Variants in DYNC2I1 observed in about 807,000 individuals in gnomAD.
DYNC2I1 encodes the protein cytoplasmic dynein 2 intermediate chain 1.
In DYNC2I1, 89 loss-of-function variants were observed where a neutral mutation model predicts 133.4. The observed-to-expected ratio is 0.67, with a 90% CI of 0.56 to 0.80. DYNC2I1 has a LOEUF of 0.80. DYNC2I1 is among the 30% of genes least tolerant of loss of function. The pLI is 0.00. For synonymous variants in DYNC2I1, 504 were observed against 484.3 expected (o/e 1.04, Z -0.54); for missense variants, 1,291 against 1,314.5 (o/e 0.98, Z 0.28).
At chr7:158,930,094 T>C (rs911216154) in intron 20 of DYNC2I1, among the ~76,000 whole-genome samples, 1 of 152,132 alleles carries the variant, frequency 6.6e-6, no homozygotes, top group Non-Finnish European at 1.5e-5. Flanking sequence ...CGGTGGACAT[T>C]CACAGGACAG....
upstream of DYNC2I1, among the ~76,000 whole-genome samples, chr7:158,852,207 T>C (rs1316203580): frequency 1.3e-5 from 2 of 151,838 alleles, no homozygotes; most frequent in Admixed American, 6.6e-5. Flanking sequence ...CTGCAACCTC[T>C]GCCTCCTGGT....
intron 24 of DYNC2I1, among the ~76,000 whole-genome samples, chr7:158,943,101 T>TA (rs1160174643): frequency 9.2e-5 from 14 of 152,300 alleles, no homozygotes; most frequent in African/African-American, 3.4e-4. Context: ...AAAGGAAAGA[T>TA]AAGAGTTTAA....
rs767760663 is a variant in DYNC2I1, at chr7:158,930,545, C to T, written c.2546+30C>T. On this transcript the variant is annotated intron_variant, in intron 21 of 24. Coordinates refer to ENST00000407559, the MANE Select transcript of DYNC2I1 (RefSeq NM_018051.5). ...GATGTGAGGGAAAATGCTTCACTAT[C>T]TCACAAAGACCTAGAAGGAAAATAA... The T allele has an allele frequency of 4.4e-6, 7 of 1,589,072 alleles. No homozygotes were observed. The Admixed American group carries it at 5.1e-5, about 12-fold the overall frequency.
At chr7:158,842,289 A>G in the DYNC2I1 span, among the ~76,000 whole-genome samples, 1 of 152,216 alleles carries the variant, frequency 6.6e-6, no homozygotes, top group African/African-American at 2.4e-5. Context: ...AGCCTCCCAA[A>G]GTGCTGGCAT....
In DYNC2I1 at chr7:158,883,039, T is replaced by C. The variant is rs933527182; in HGVS notation, c.880-1525T>C. On this transcript the variant is annotated intron_variant, in intron 5 of 24. Coordinates refer to ENST00000407559, the MANE Select transcript of DYNC2I1 (RefSeq NM_018051.5). ...TCAAAATTAGTATCAATTTTAGATA[T>C]TCTTCAACTGAGTACTCTGAACCTA... is the stretch of plus-strand genomic sequence containing the variant. Among the ~76,000 whole-genome samples, 3 of 152,096 alleles carry C rather than the reference T, an allele frequency of 2.0e-5. No individual in the cohort carries two copies. The East Asian group carries it at 5.8e-4, about 29-fold the overall frequency.
chr7:158,877,308 C>T (rs966503788), intron 4 of DYNC2I1, among the ~76,000 whole-genome samples: 4 of 151,754 alleles, frequency 2.6e-5, no homozygotes, highest in Non-Finnish European at 5.9e-5. Context: ...TGGTGTTTTG[C>T]GGTGCGGGTG....
At chr7:158,879,636 C>T in intron 4 of DYNC2I1, 48 bp from the exon 5 acceptor site, 1 of 1,513,174 alleles carries the variant, frequency 6.6e-7, no homozygotes. Context: ...GCTGGCTGCA[C>T]TCCTATTTGA....
chr7:158,910,980 G>A (rs1467959699), intron 11 of DYNC2I1, among the ~76,000 whole-genome samples: 1 of 149,676 alleles, frequency 6.7e-6, no homozygotes, highest in African/African-American at 2.5e-5. Context: ...TCAGGCCTGT[G>A]GGAGGAGCGC....
downstream of DYNC2I1, among the ~76,000 whole-genome samples, chr7:158,948,649 A>G (rs1297178205): frequency 6.6e-6 from 1 of 152,118 alleles, no homozygotes; most frequent in Non-Finnish European, 1.5e-5. Flanking sequence ...CGGAATGTAC[A>G]AGCGCAACTG....
chr7:158,876,555 T>A, intron 3 of DYNC2I1, 54 bp from the exon 4 acceptor site: 4 of 1,492,368 alleles, frequency 2.7e-6, no homozygotes, highest in South Asian at 1.4e-5. Context: ...GTTAAAAGAG[T>A]TTTTTGATGT....
intron 17 of DYNC2I1, 80 bp from the exon 18 acceptor site, chr7:158,926,107 G>A (rs528631702): frequency 2.3e-5 from 26 of 1,121,088 alleles, no homozygotes; most frequent in South Asian, 1.2e-4. Context: ...GAAGCACCTC[G>A]TGTTTGTCCC....
Position 158,856,630 on chromosome 7 carries a change from C to T in DYNC2I1, c.-106C>T. ...GCTCCTGCTTGTCGGTTGCTAGGCG[C>T]TGGGACGCGCCTCCCGAAGGGTGCG... On this transcript the variant is annotated 5_prime_UTR_variant, in exon 1 of 25. Coordinates refer to ENST00000407559, the MANE Select transcript of DYNC2I1 (RefSeq NM_018051.5). 8.6e-7 allele frequency: 1 copy of T among 1,163,620 alleles called. No individual in the cohort carries two copies. The highest frequency in any genetic ancestry group is 1.6e-5 in the African/African-American group (1 of 63,088). 72.1% of individuals were successfully genotyped at this position (1,163,620 alleles called of 1,614,324 possible). A position where few individuals can be genotyped will look rare whatever the true frequency, so the allele number is the denominator to read the frequency against.
chr7:158,922,104 G>C (rs928323897), intron 15 of DYNC2I1, among the ~76,000 whole-genome samples: 32 of 152,208 alleles, frequency 2.1e-4, no homozygotes, highest in African/African-American at 7.0e-4. Context: ...CTGGTGGGCA[G>C]CTGGTTTCTG....
intron 5 of DYNC2I1, among the ~76,000 whole-genome samples, chr7:158,880,263 G>A (rs144533519): frequency 1.1e-3 from 160 of 152,256 alleles, no homozygotes; most frequent in African/African-American, 3.6e-3. Context: ...TTGGCCAGGC[G>A]CGGTGGCTCA....
chr7:158,914,152 C>A, intron 13 of DYNC2I1, 81 bp from the exon 14 acceptor site: 1 of 1,113,712 alleles, frequency 9.0e-7, no homozygotes, highest in Non-Finnish European at 1.3e-6. Context: ...ATTTGTTAGG[C>A]CTGTTTGAAC....
At chr7:158,869,948 C>T in intron 2 of DYNC2I1, 40 bp downstream of exon 2, 2 of 1,580,888 alleles carry the variant, frequency 1.3e-6, no homozygotes, top group Non-Finnish European at 1.7e-6. Context: ...CTGTGCAGGA[C>T]TCGTGTGGTT....
intron 8 of DYNC2I1, among the ~76,000 whole-genome samples, chr7:158,897,307 T>C (rs185161497): frequency 1.3e-5 from 2 of 152,348 alleles, no homozygotes; most frequent in Admixed American, 6.5e-5. Flanking sequence ...GTAAGAATTA[T>C]ATAATTTCTT....
At chr7:158,942,208 A>G in intron 24 of DYNC2I1, 60 bp downstream of exon 24, 1 of 1,344,776 alleles carries the variant, frequency 7.4e-7, no homozygotes. Context: ...CACGGGTGCC[A>G]CTTACGGTCT....
Position 158,871,524 on chromosome 7 carries a change from G to C in DYNC2I1, c.452G>C (p.Arg151Pro), listed in dbSNP as rs572405154. 1 of 1,544,586 alleles carries C rather than the reference G, an allele frequency of 6.5e-7. No individual in the cohort carries two copies. Among genetic ancestry groups the C allele is most frequent in the African/African-American group, 1.4e-5 (1 of 73,022 alleles). The change falls in exon 3 of 25, where the codon CGG becomes CCG. Residue 151 changes from arginine (R) to proline (P), a missense_variant. Physicochemically the swap from Arg to Pro is moderately radical, Grantham distance 103 (BLOSUM62 -2). Transcript: ENST00000407559. ...CTGCTGGGCCAGGAGACACGCGACC[G>C]GCAGCTCCTGGAGCGGGCGGAGAGG... ...HNLLGQETRD[R>P]QLLERAERKG...
Sources: allele counts gnomAD v4.1 joint callset (sites outside exome capture counted in the v4.1 genomes callset), GRCh38; gene constraint gnomAD v4.1.1; transcripts MANE v1.5; gene names NCBI Gene and HGNC (gene_info 2026-07-23, HGNC 2026-07-21).